Variants in CARMIL3 observed in about 807,000 individuals in gnomAD.
The protein encoded by CARMIL3 is capping protein regulator and myosin 1 linker 3.
CARMIL3 carries 88 observed loss-of-function variants against 180.8 expected under a neutral mutation model. The observed-to-expected ratio is 0.49, with a 90% confidence interval of 0.41 to 0.58. CARMIL3 has a LOEUF of 0.58. CARMIL3 is among the 20% of genes least tolerant of loss of function. The pLI is 0.00. For missense variants in CARMIL3, 1,548 were observed against 1,787.0 expected (o/e 0.87, Z 2.41); for synonymous variants, 696 against 714.5 (o/e 0.97, Z 0.41).
At chr14:24,057,757 T>C (rs1157816004) in intron 14 of CARMIL3, 46 bp from the exon 15 acceptor site, 1 of 1,497,952 alleles carries the variant, frequency 6.7e-7, no homozygotes. Context: ...TGCCACCCCC[T>C]ACCCCCTTCC....
In CARMIL3 at chr14:24,061,835, T is replaced by G. The variant is rs1360512068; in HGVS notation, c.2480+163T>G. The G allele has an allele frequency of 1.2e-6, 1 of 865,450 alleles. No individual in the cohort carries two copies. The highest frequency in any genetic ancestry group is 1.7e-6 in the Non-Finnish European group (1 of 585,072). The allele number at this position is 865,450 out of a possible 1,614,324, so 53.6% of individuals were successfully genotyped here. On this transcript the variant is annotated intron_variant, in intron 27 of 39. Coordinates refer to ENST00000342740, the MANE Select transcript of CARMIL3 (RefSeq NM_138360.4). The surrounding 1 kb of genome is among the most constrained non-coding windows in gnomAD (Gnocchi z 4.1). ...ACCTTGCTATTTAGGGTCTGGCTGG[T>G]CTTTGCCCTAGAAATCTAAGTGCTG...
chr14:24,065,287 G>C lies in CARMIL3; in HGVS notation c.3396+14G>C, dbSNP rs752160719. 6.0e-6 allele frequency: 9 copies of C among 1,511,988 alleles called. No homozygotes were observed. In the South Asian group the frequency reaches 9.7e-5, roughly 16 times the overall value. The allele number at this position is 1,511,988 out of a possible 1,614,324, so 93.7% of individuals were successfully genotyped here. A position where few individuals can be genotyped will look rare whatever the true frequency, so the allele number is the denominator to read the frequency against. On this transcript the variant is annotated intron_variant, in intron 33 of 39. Transcript: ENST00000342740. ...CGCCGGAAGATGGTAAGTGAGGCAG[G>C]GGGTGCTGTGTCTTCCCCTTTTCCT... is the stretch of plus-strand genomic sequence containing the variant.
chr14:24,068,526 G>T, intron 36 of CARMIL3, 58 bp from the exon 37 acceptor site: 1 of 1,475,594 alleles, frequency 6.8e-7, no homozygotes, highest in Non-Finnish European at 9.3e-7. Flanking sequence ...GAGGAGACAG[G>T]GACAGGAGCT....
chr14:24,055,960 A>G (rs758337203), intron 10 of CARMIL3, among the ~76,000 whole-genome samples, 171 bp downstream of exon 10: 5 of 151,978 alleles, frequency 3.3e-5, no homozygotes, highest in Non-Finnish European at 7.4e-5. Flanking sequence ...TCAAGCTAGA[A>G]CTCAGACCCA....
At position 24,052,034 on chromosome 14, in the gene CARMIL3, G is replaced by T. The variant is rs1297476544; in HGVS notation, c.-120G>T. 2 of 992,228 alleles carry T rather than the reference G, an allele frequency of 2.0e-6. No individual in the cohort carries two copies. The highest frequency in any genetic ancestry group is 3.3e-5 in the East Asian group (1 of 30,220). 61.5% of individuals were successfully genotyped at this position (992,228 alleles called of 1,614,324 possible). A position where few individuals can be genotyped will look rare whatever the true frequency, so the allele number is the denominator to read the frequency against. On this transcript the variant is annotated 5_prime_UTR_variant, in exon 1 of 40. Coordinates refer to ENST00000342740, the MANE Select transcript of CARMIL3 (RefSeq NM_138360.4). ...AAGCAGCCGCCCCTGACCGGAGCGG[G>T]CTCGGCCGCTGCTGCAGCGCTCAGC... is the stretch of plus-strand genomic sequence containing the variant.
intron 24 of CARMIL3, among the ~76,000 whole-genome samples, 166 bp from the exon 25 acceptor site, chr14:24,060,462 G>A (rs554851810): frequency 6.6e-6 from 1 of 152,326 alleles, no homozygotes; most frequent in East Asian, 1.9e-4. Context: ...AGGACTCTGG[G>A]AGCTCAGCTG....
Position 24,054,652 on chromosome 14 carries a change from G to T in CARMIL3, c.363-59G>T. ...TTTCCTGGGATGCAGGAGCTATAACGTGGGAAGAACTGAGAGCCTCTTTCC... is the reference window on the plus strand; with the variant it reads ...TTTCCTGGGATGCAGGAGCTATAACTTGGGAAGAACTGAGAGCCTCTTTCC... On this transcript the variant is annotated intron_variant, in intron 5 of 39. Transcript: ENST00000342740. This position sits in a 1 kb window ranked among gnomAD's most constrained non-coding sequence, Gnocchi z 5.1. 6.4e-7 allele frequency: 1 copy of T among 1,556,000 alleles called. No homozygotes were observed. Among genetic ancestry groups the T allele is most frequent in the Non-Finnish European group, 8.8e-7 (1 of 1,132,862 alleles).
rs1469204596 is a variant in CARMIL3, at chr14:24,055,765, T to C, written c.746T>C (p.Val249Ala). 1.2e-6 allele frequency: 2 copies of C among 1,614,072 alleles called. No individual in the cohort carries two copies. Among genetic ancestry groups the C allele is most frequent in the African/African-American group, 2.7e-5 (2 of 75,018 alleles). ...LSKSGSLEEL[V>A]LDNAGLKTDF... is the part of the protein sequence containing the mutation. ...AAGTCGGGGAGCCTCGAAGAGCTGG[T>C]GCTGGACAACGCCGGGCTTAAGACG... Residue 249 changes from valine to alanine, a missense_variant, in exon 10 of 40, where the codon GTG (valine) becomes GCG (alanine). Physicochemically the swap from Val to Ala is moderately conservative, Grantham distance 64 (BLOSUM62 0). Transcript: ENST00000342740.
chr14:24,057,480 C>T (rs1033439088), intron 14 of CARMIL3, among the ~76,000 whole-genome samples: 2 of 152,208 alleles, frequency 1.3e-5, no homozygotes, highest in Non-Finnish European at 1.5e-5. Context: ...CCCAGCTGTG[C>T]ACCCTGGCTC....
chr14:24,062,193 A>T (rs141662652), intron 27 of CARMIL3: 1 of 531,548 alleles, frequency 1.9e-6, no homozygotes, highest in Non-Finnish European at 3.4e-6. Flanking sequence ...GCTCTGTTCC[A>T]CTGGGGCTCC....
Position 24,054,201 on chromosome 14 carries a change from C to T in CARMIL3, c.187-41C>T, listed in dbSNP as rs758163417. 6.2e-7 allele frequency: 1 copy of T among 1,613,990 alleles called. No homozygotes were observed. Among genetic ancestry groups the T allele is most frequent in the Non-Finnish European group, 8.5e-7 (1 of 1,179,860 alleles). On this transcript the variant is annotated intron_variant, in intron 3 of 39. Coordinates refer to ENST00000342740, the MANE Select transcript of CARMIL3 (RefSeq NM_138360.4). This position sits in a 1 kb window ranked among gnomAD's most constrained non-coding sequence, Gnocchi z 5.1. ...CTCCCTACCTCCCAAGCCTGGCAAC[C>T]CAGGTCCTTACCAGGAGCTGAGCAT...
chr14:24,065,318 A>G (rs748533125), intron 33 of CARMIL3, 45 bp downstream of exon 33: 2 of 1,449,092 alleles, frequency 1.4e-6, no homozygotes, highest in Admixed American at 5.7e-5. Flanking sequence ...TTCCTGCCCC[A>G]CACTTAACCC....
At position 24,063,124 on chromosome 14, in the gene CARMIL3, C is replaced by G. The variant is rs201164194; in HGVS notation, c.2711C>G (p.Thr904Ser). ...TDDELGTNID[T>S]MAIKKQKRCR... is the part of the protein sequence containing the mutation. ...CACTCGTCTTCATTTCTGCAGGACA[C>G]CATGGCCATCAAAAAGCAGAAACGC... Residue 904 changes from threonine (T) to serine (S), a missense_variant, in exon 30 of 40, where the codon ACC becomes AGC. Physicochemically the swap from Thr to Ser is moderately conservative, Grantham distance 58 (BLOSUM62 1). This residue lies in a region of CARMIL3 where 668 missense variants were observed against 687.8 expected (regional missense o/e 0.97). Transcript: ENST00000342740. The G allele has an allele frequency of 4.3e-6, 7 of 1,613,328 alleles. No individual in the cohort carries two copies. In the East Asian group the frequency reaches 1.3e-4, roughly 31 times the overall value.
intron 34 of CARMIL3, among the ~76,000 whole-genome samples, chr14:24,065,958 T>G (rs2035783018): frequency 6.6e-6 from 1 of 152,162 alleles, no homozygotes; most frequent in Non-Finnish European, 1.5e-5. Context: ...CCTTCTTTAC[T>G]GTAAAATGAG....
intron 29 of CARMIL3, 91 bp downstream of exon 29, chr14:24,062,937 C>T: frequency 6.5e-7 from 1 of 1,547,022 alleles, no homozygotes; most frequent in Non-Finnish European, 8.8e-7. Context: ...TCTGTACTCC[C>T]CTGGCCACCT....
rs746995648 is a variant in CARMIL3, at chr14:24,060,943, A to G, written c.2207A>G (p.Tyr736Cys). The change falls in exon 26 of 40, where the codon TAT becomes TGT. Residue 736 changes from tyrosine (Y) to cysteine (C), a missense_variant. Tyr to Cys is a radical substitution (Grantham distance 194). This residue lies in a region of CARMIL3 where 297 missense variants were observed against 415.9 expected (regional missense o/e 0.71). Coordinates refer to ENST00000342740, the MANE Select transcript of CARMIL3 (RefSeq NM_138360.4). ...KNSRALFPSL[Y>C]ELGHVLANDG... ...CTTCTCCAGCTGTTTCCCAGCCTCT[A>G]TGAGCTGGGCCACGTGCTGGCCAAT... 40 of 1,551,546 alleles carry G rather than the reference A, an allele frequency of 2.6e-5. No homozygotes were observed. In the East Asian group the frequency reaches 4.2e-4, roughly 16 times the overall value.
chr14:24,055,830 T>A, intron 10 of CARMIL3, 41 bp downstream of exon 10: 1 of 1,579,214 alleles, frequency 6.3e-7, no homozygotes, highest in Non-Finnish European at 8.7e-7. Context: ...GCACCCTTGA[T>A]GTAGTTTTAG....
chr14:24,063,823 T>G (rs981549698), intron 31 of CARMIL3, among the ~76,000 whole-genome samples: 6 of 151,920 alleles, frequency 3.9e-5, no homozygotes, highest in Non-Finnish European at 5.9e-5. Flanking sequence ...GAGCTGGGCA[T>G]GGTGGCTCAG....
intron 1 of CARMIL3, among the ~76,000 whole-genome samples, chr14:24,053,396 T>G (rs1212927149): frequency 6.6e-6 from 1 of 151,900 alleles, no homozygotes; most frequent in East Asian, 1.9e-4. Flanking sequence ...TTGGAAAAAT[T>G]CTTCACACCC....
Sources: allele counts gnomAD v4.1 joint callset (sites outside exome capture counted in the v4.1 genomes callset), GRCh38; gene constraint gnomAD v4.1.1; regional missense constraint gnomAD v4.1.1; non-coding constraint Gnocchi (gnomAD v3.1); transcripts MANE v1.5; gene names NCBI Gene and HGNC (gene_info 2026-07-23, HGNC 2026-07-21).